Variants in SMAP1 observed in about 807,000 individuals in gnomAD.
SMAP1 encodes small ArfGAP 1, also known as stromal membrane-associated protein 1.
Under a neutral mutation model 58.5 loss-of-function variants are expected in SMAP1, and 24 were observed. The ratio of observed to expected loss-of-function variants is 0.41; its 90% CI spans 0.30 to 0.58. The LOEUF is 0.58. Ranked by LOEUF, SMAP1 falls within the 20% of genes least tolerant of loss-of-function variation. The pLI, the probability that SMAP1 is intolerant of heterozygous loss-of-function variation, is 0.29. For synonymous variants in SMAP1, 216 were observed against 196.6 expected, an observed-to-expected ratio of 1.10 and a Z score of -0.82; for missense variants, 563 against 566.3, an observed-to-expected ratio of 0.99 and a Z score of 0.06.
Position 70,856,886 on chromosome 6 carries a change from A to C in SMAP1, c.817A>C (p.Thr273Pro). The C allele has an allele frequency of 6.2e-7, 1 of 1,613,520 alleles. No individual in the cohort carries two copies. The highest frequency in any genetic ancestry group is 8.5e-7 in the Non-Finnish European group (1 of 1,179,656). The change falls in exon 9 of 11, where the codon ACC (threonine) becomes CCC (proline). Residue 273 changes from threonine (T) to proline (P), a missense_variant. By Grantham distance (38) the Thr-to-Pro change is conservative (BLOSUM62 -1). Transcript: ENST00000370455. ...QGTPSAPAAA[T>P]LSTVTSGDLD... ...GACACCCTCTGCACCAGCAGCTGCAACCCTGTCTACAGTAACATCTGGGGA... is the reference window on the plus strand; with the variant it reads ...GACACCCTCTGCACCAGCAGCTGCACCCCTGTCTACAGTAACATCTGGGGA...
At chr6:70,688,904 T>C (rs1767042383) in intron 1 of SMAP1, among the ~76,000 whole-genome samples, 1 of 152,198 alleles carries the variant, frequency 6.6e-6, no homozygotes, top group Non-Finnish European at 1.5e-5. Flanking sequence ...TTTACAGTGT[T>C]ATGTTTTATA....
chr6:70,722,929 A>G (rs1768595265), intron 1 of SMAP1, among the ~76,000 whole-genome samples: 1 of 152,170 alleles, frequency 6.6e-6, no homozygotes, highest in African/African-American at 2.4e-5. Context: ...GATTTTGTTT[A>G]TGGCCAGCTT....
At chr6:70,711,392 C>T (rs1203896236) in intron 1 of SMAP1, among the ~76,000 whole-genome samples, 2 of 152,122 alleles carry the variant, frequency 1.3e-5, no homozygotes, top group Non-Finnish European at 1.5e-5. Context: ...GGTCATTATG[C>T]AGAGCCTGAC....
At chr6:70,839,246 G>T (rs1231746961) in intron 7 of SMAP1, among the ~76,000 whole-genome samples, 2 of 152,106 alleles carry the variant, frequency 1.3e-5, no homozygotes, top group Non-Finnish European at 2.9e-5. Flanking sequence ...CTTTTTACCA[G>T]CCATTTCACT....
intron 1 of SMAP1, among the ~76,000 whole-genome samples, chr6:70,710,832 C>A (rs560951439): frequency 3.3e-5 from 5 of 152,218 alleles, no homozygotes; most frequent in African/African-American, 1.2e-4. Context: ...TATCCTTATT[C>A]TATAAGCTTT....
intron 1 of SMAP1, among the ~76,000 whole-genome samples, chr6:70,719,018 T>C (rs558365585): frequency 6.6e-6 from 1 of 152,132 alleles, no homozygotes; most frequent in African/African-American, 2.4e-5. Context: ...TTATAACATA[T>C]ATAATCAGTG....
At chr6:70,742,770 T>C (rs1046803487) in intron 2 of SMAP1, among the ~76,000 whole-genome samples, 3 of 152,190 alleles carry the variant, frequency 2.0e-5, no homozygotes, top group African/African-American at 7.2e-5. Flanking sequence ...GAGGTTTTAA[T>C]GGACTCACAG....
At chr6:70,798,563 C>A in intron 5 of SMAP1, 94 bp from the exon 6 acceptor site, 1 of 910,860 alleles carries the variant, frequency 1.1e-6, no homozygotes, top group South Asian at 2.0e-5. Flanking sequence ...ATATTTCTAC[C>A]TTTTTCAGAT....
At chr6:70,722,868 A>G (rs995873659) in intron 1 of SMAP1, among the ~76,000 whole-genome samples, 5 of 152,106 alleles carry the variant, frequency 3.3e-5, no homozygotes, top group Admixed American at 1.3e-4. Flanking sequence ...TAAACCCACA[A>G]CCTTCAGCGT....
intron 4 of SMAP1, among the ~76,000 whole-genome samples, chr6:70,774,172 A>C (rs1466311893): frequency 1.3e-5 from 2 of 152,142 alleles, no homozygotes; most frequent in East Asian, 1.9e-4. Context: ...GTATGAGCAC[A>C]CTCGATTATG....
In SMAP1 at chr6:70,858,065, G is replaced by A. The variant is rs747295433; in HGVS notation, c.1105G>A (p.Gly369Ser). Residue 369 changes from glycine (G) to serine (S), a missense_variant, in exon 10 of 11, where the codon GGC (glycine) becomes AGC (serine). Transcript: ENST00000370455. ...VMGQSPSMMVGMPMPNGFMGN... is the reference protein window; with the variant it reads ...VMGQSPSMMVSMPMPNGFMGN... ...GGGACAGAGTCCAAGCATGATGGTG[G>A]GCATGCCCATGCCCAATGGGTTTAT... 1.9e-6 allele frequency: 3 copies of A among 1,613,918 alleles called. No individual in the cohort carries two copies. The highest frequency in any genetic ancestry group is 1.3e-5 in the African/African-American group (1 of 74,870).
chr6:70,741,595 C>T (rs1257725574), intron 2 of SMAP1, among the ~76,000 whole-genome samples: 1 of 152,124 alleles, frequency 6.6e-6, no homozygotes, highest in Non-Finnish European at 1.5e-5. Flanking sequence ...TGTGGCTTTT[C>T]CAGGTACATG....
chr6:70,794,050 T>C (rs1428648745), intron 5 of SMAP1, among the ~76,000 whole-genome samples: 2 of 151,928 alleles, frequency 1.3e-5, no homozygotes, highest in African/African-American at 4.9e-5. Flanking sequence ...TTTATTTAAA[T>C]CACTCAAGTA....
chr6:70,727,987 T>C (rs929543792), intron 1 of SMAP1, among the ~76,000 whole-genome samples: 2 of 151,944 alleles, frequency 1.3e-5, no homozygotes, highest in African/African-American at 4.8e-5. Context: ...CACTTGAGCC[T>C]GGGAGGCAGA....
In SMAP1 at chr6:70,861,870, G is replaced by A. The variant is rs1270501119; in HGVS notation, c.*1536G>A. ...TGCTTTCGGTTCCAGTTCTTCGACT[G>A]TTGTTATCTGTTTGAGAAAGTCAGA... On this transcript the variant is annotated 3_prime_UTR_variant, in exon 11 of 11. Transcript: ENST00000370455. The A allele has an allele frequency of 6.2e-7, 1 of 1,613,870 alleles. No individual in the cohort carries two copies. The highest frequency in any genetic ancestry group is 2.2e-5 in the East Asian group (1 of 44,854).
intron 1 of SMAP1, among the ~76,000 whole-genome samples, chr6:70,732,149 G>A (rs1765455833): frequency 6.6e-6 from 1 of 152,040 alleles, no homozygotes; most frequent in Non-Finnish European, 1.5e-5. Flanking sequence ...TAGAGTGGAG[G>A]GGAAGTTTCT....
intron 3 of SMAP1, among the ~76,000 whole-genome samples, chr6:70,771,276 T>G (rs898450006): frequency 6.6e-6 from 1 of 152,226 alleles, no homozygotes; most frequent in Non-Finnish European, 1.5e-5. Context: ...ACTGTTCTCT[T>G]CAAAGCTGTC....
intron 5 of SMAP1, among the ~76,000 whole-genome samples, chr6:70,796,872 T>C: frequency 6.6e-6 from 1 of 152,192 alleles, no homozygotes; most frequent in Non-Finnish European, 1.5e-5. Flanking sequence ...TGAAACATAA[T>C]TTTAGAGAAT....
At chr6:70,837,868 G>C in intron 7 of SMAP1, 2 of 1,247,936 alleles carry the variant, frequency 1.6e-6, no homozygotes, top group Admixed American at 2.7e-5. Context: ...CCAAAAAATT[G>C]ATCCTAGTTG....
Sources: allele counts gnomAD v4.1 joint callset (sites outside exome capture counted in the v4.1 genomes callset), GRCh38; gene constraint gnomAD v4.1.1; transcripts MANE v1.5; gene names NCBI Gene and HGNC (gene_info 2026-07-23, HGNC 2026-07-21).